BTBD9: variants seen among roughly 807,000 people sequenced by gnomAD.
BTBD9 encodes BTB domain containing 9, also known as BTB/POZ domain-containing protein 9.
Under a neutral mutation model 64.3 loss-of-function variants are expected in BTBD9, and 49 were observed. That is an observed-to-expected ratio of 0.76 (90% confidence interval 0.61 to 0.97). BTBD9 has a LOEUF of 0.97. Ranked by LOEUF, BTBD9 falls within the 50% of genes least tolerant of loss-of-function variation. BTBD9 has a pLI of 0.00. For missense variants in BTBD9, 598 were observed against 762.1 expected (o/e 0.78, Z 2.53); for synonymous variants, 260 against 274.7 (o/e 0.95, Z 0.53).
chr6:38,636,474 T>C (rs1258272945), intron 1 of BTBD9, among the ~76,000 whole-genome samples: 3 of 152,230 alleles, frequency 2.0e-5, no homozygotes. Flanking sequence ...CCTCTTCCTG[T>C]GATTTCTAAC....
At chr6:38,586,314 T>C (rs915084625) in intron 4 of BTBD9, among the ~76,000 whole-genome samples, 3 of 151,912 alleles carry the variant, frequency 2.0e-5, no homozygotes, top group African/African-American at 4.8e-5. Flanking sequence ...CCCAGCTGTA[T>C]AGAAAAATGT....
intron 9 of BTBD9, among the ~76,000 whole-genome samples, chr6:38,221,696 GAT>G (rs1398031080): frequency 6.6e-6 from 1 of 152,196 alleles, no homozygotes; most frequent in Non-Finnish European, 1.5e-5. Flanking sequence ...TGCTGTAAGA[GAT>G]ATGATCTCAA....
intron 6 of BTBD9, among the ~76,000 whole-genome samples, chr6:38,453,072 T>C (rs905386241): frequency 1.3e-5 from 2 of 152,170 alleles, no homozygotes; most frequent in African/African-American, 2.4e-5. Flanking sequence ...AGAAAGCGTA[T>C]AACAGATCCT....
intron 6 of BTBD9, among the ~76,000 whole-genome samples, chr6:38,351,020 G>C (rs537033985): frequency 1.3e-5 from 2 of 152,334 alleles, no homozygotes; most frequent in African/African-American, 4.8e-5. Flanking sequence ...CTGACTGGAG[G>C]GGGTGTGACT....
At chr6:38,186,124 A>C (rs2127479274) in intron 10 of BTBD9, among the ~76,000 whole-genome samples, 2 of 152,342 alleles carry the variant, frequency 1.3e-5, no homozygotes, top group East Asian at 3.9e-4. Flanking sequence ...TCTTCTCCAG[A>C]GTGACAGGGT....
intron 6 of BTBD9, among the ~76,000 whole-genome samples, chr6:38,356,731 T>C (rs949847362): frequency 1.3e-5 from 2 of 152,198 alleles, no homozygotes; most frequent in Non-Finnish European, 2.9e-5. Context: ...CATAGACTTT[T>C]AGCTTCATGT....
chr6:38,521,799 C>G (rs1335921484), intron 6 of BTBD9, among the ~76,000 whole-genome samples: 1 of 152,068 alleles, frequency 6.6e-6, no homozygotes, highest in Non-Finnish European at 1.5e-5. Flanking sequence ...CTCAGCCTTC[C>G]AAGTAGCTGG....
At chr6:38,474,910 T>C (rs1255547079) in intron 6 of BTBD9, among the ~76,000 whole-genome samples, 1 of 152,174 alleles carries the variant, frequency 6.6e-6, no homozygotes, top group Non-Finnish European at 1.5e-5. Flanking sequence ...CTCAATCAGA[T>C]AAATAAGCAA....
At chr6:38,522,299 T>A (rs1042298786) in intron 6 of BTBD9, among the ~76,000 whole-genome samples, 9 of 152,194 alleles carry the variant, frequency 5.9e-5, no homozygotes, top group Non-Finnish European at 1.2e-4. Flanking sequence ...AACCAACAAT[T>A]TGAACCTACT....
chr6:38,231,935 A>G (rs930516412), intron 9 of BTBD9, among the ~76,000 whole-genome samples: 3 of 152,234 alleles, frequency 2.0e-5, no homozygotes, highest in African/African-American at 7.2e-5. Flanking sequence ...ACCATGAGAA[A>G]TAAGGAAGGG....
intron 6 of BTBD9, among the ~76,000 whole-genome samples, chr6:38,390,145 T>C (rs1013922180): frequency 2.0e-5 from 3 of 152,332 alleles, no homozygotes; most frequent in Admixed American, 1.3e-4. Flanking sequence ...GCTTTCATTC[T>C]CCTCGGGATG....
intron 6 of BTBD9, among the ~76,000 whole-genome samples, chr6:38,440,868 T>C (rs1309539344): frequency 1.3e-5 from 2 of 152,206 alleles, no homozygotes; most frequent in Non-Finnish European, 2.9e-5. Flanking sequence ...AGCCAGGAGA[T>C]TTGGGTTTTC....
At chr6:38,618,120 C>A (rs762676172) in intron 1 of BTBD9, among the ~76,000 whole-genome samples, 1 of 152,194 alleles carries the variant, frequency 6.6e-6, no homozygotes, top group African/African-American at 2.4e-5. Context: ...ACCAAAACCA[C>A]GGACGGTTTT....
At chr6:38,178,480 G>T (rs1761384355) in intron 10 of BTBD9, among the ~76,000 whole-genome samples, 1 of 152,158 alleles carries the variant, frequency 6.6e-6, no homozygotes, top group Non-Finnish European at 1.5e-5. Context: ...CCCTCAGAGG[G>T]TGTACGGTCC....
At chr6:38,409,439 T>G (rs1767311960) in intron 6 of BTBD9, among the ~76,000 whole-genome samples, 4 of 152,238 alleles carry the variant, frequency 2.6e-5, no homozygotes. Context: ...TTTAAATACT[T>G]ATTTTTAATC....
At chr6:38,301,322 G>A (rs961043427) in intron 7 of BTBD9, among the ~76,000 whole-genome samples, 8 of 151,850 alleles carry the variant, frequency 5.3e-5, no homozygotes, top group Middle Eastern at 3.2e-3. Flanking sequence ...TAAAATTCTC[G>A]TTTTTTGTTG....
intron 6 of BTBD9, among the ~76,000 whole-genome samples, chr6:38,439,179 T>C (rs1562188593): frequency 1.4e-5 from 2 of 145,454 alleles, no homozygotes; most frequent in Non-Finnish European, 3.0e-5. Context: ...GGAGTGCAAT[T>C]GGACAATCTC....
intron 6 of BTBD9, among the ~76,000 whole-genome samples, chr6:38,449,016 T>C (rs930281559): frequency 2.6e-5 from 4 of 151,934 alleles, no homozygotes; most frequent in African/African-American, 9.7e-5. Flanking sequence ...ACAAAGGTCA[T>C]AAAAAAACTG....
chr6:38,196,176 C>T (rs1263186183), intron 9 of BTBD9, among the ~76,000 whole-genome samples: 1 of 152,192 alleles, frequency 6.6e-6, no homozygotes, highest in Non-Finnish European at 1.5e-5. Context: ...GGGCTCTGTA[C>T]CCTGGCTGCC....
Sources: allele counts gnomAD v4.1 joint callset (sites outside exome capture counted in the v4.1 genomes callset), GRCh38; gene constraint gnomAD v4.1.1; transcripts MANE v1.5; gene names NCBI Gene and HGNC (gene_info 2026-07-23, HGNC 2026-07-21).